Variants in EVC2 observed in about 807,000 individuals in gnomAD.
EVC2 encodes the protein EvC ciliary complex subunit 2, also known as limbin.
In EVC2, 148 loss-of-function variants were observed where a neutral mutation model predicts 149.3. That is an observed-to-expected ratio of 0.99 (90% CI 0.87 to 1.14). The LOEUF (loss-of-function observed/expected upper bound fraction) is 1.14, where lower values mean the gene tolerates loss of function less well. Among genes scored for constraint, EVC2 ranks in the 50% most tolerant of loss-of-function variants. The pLI is 0.00. For missense variants in EVC2, 1,854 were observed against 1,627.3 expected (o/e 1.14, Z -2.40); for synonymous variants, 776 against 649.9 (o/e 1.19, Z -2.95).
intron 15 of EVC2, among the ~76,000 whole-genome samples, chr4:5,616,219 C>G (rs899918363): frequency 6.6e-6 from 1 of 152,180 alleles, no homozygotes. Flanking sequence ...TGAGAACTTT[C>G]CCAGCACAGG....
chr4:5,622,943 T>C lies in EVC2; in HGVS notation c.2095A>G (p.Thr699Ala), dbSNP rs730469. The C allele has an allele frequency of 0.32, 513,777 of 1,613,758 alleles. 94,610 individuals carry two copies. Among genetic ancestry groups the C allele is most frequent in the African/African-American group, 0.8 (59,711 of 74,962 alleles). ...AGGTACTGGCCGGCATCCTCAACCG[T>C]TCGGAAGGCCTCGCCGACGGACGCC... ...EQASVGEAFR[T>A]VEDAGQYLHQ... The change falls in exon 14 of 22, where the codon ACG (threonine) becomes GCG (alanine). Residue 699 changes from threonine to alanine, a missense_variant. Physicochemically the swap from Thr to Ala is moderately conservative, Grantham distance 58. Transcript: ENST00000344408. This position sits in a 1 kb window ranked among gnomAD's most constrained non-coding sequence, Gnocchi z 5.8.
At chr4:5,661,856 C>T (rs529728957) in intron 9 of EVC2, among the ~76,000 whole-genome samples, 1 of 152,360 alleles carries the variant, frequency 6.6e-6, no homozygotes, top group African/African-American at 2.4e-5. Context: ...CTTAACCTCT[C>T]TCCAGTTCTC....
In EVC2 at chr4:5,576,377, C is replaced by T. The variant is rs767047805; in HGVS notation, c.3135G>A (p.Ala1045=). The T allele has an allele frequency of 1.2e-6, 2 of 1,614,100 alleles. No homozygotes were observed. Among genetic ancestry groups the T allele is most frequent in the South Asian group, 1.1e-5 (1 of 91,082 alleles). ...QEAAQQQQAL[A]SWQQWVADGP... ...CATCGGCCACCCACTGCTGCCAGCT[C>T]GCCAGGGCCTGCTGCTGCTGGGCTG... is the stretch of plus-strand genomic sequence containing the variant. Residue 1045 remains alanine (A), a synonymous_variant, in exon 18 of 22, where the codon GCG becomes GCA. Transcript: ENST00000344408. This position sits in a 1 kb window ranked among gnomAD's most constrained non-coding sequence, Gnocchi z 4.5.
chr4:5,551,764 C>T (rs191264706), intron 21 of EVC2, among the ~76,000 whole-genome samples: 283 of 152,256 alleles, frequency 1.9e-3, no homozygotes, highest in African/African-American at 4.0e-3. Flanking sequence ...GGGAGGGACA[C>T]GGTGGGAGGT....
At chr4:5,600,163 G>A (rs182833023) in intron 16 of EVC2, among the ~76,000 whole-genome samples, 72 of 152,204 alleles carry the variant, frequency 4.7e-4, no homozygotes, top group African/African-American at 1.6e-3. Context: ...GTGTGACCAA[G>A]GCAAGTTGCT....
chr4:5,604,608 G>A (rs1313840380), intron 16 of EVC2, among the ~76,000 whole-genome samples: 1 of 152,044 alleles, frequency 6.6e-6, no homozygotes. Context: ...TTAGATAGAA[G>A]AAATAAGACA....
At chr4:5,531,583 T>C in the EVC2 span, among the ~76,000 whole-genome samples, 7 of 152,142 alleles carry the variant, frequency 4.6e-5, no homozygotes, top group African/African-American at 1.7e-4. Flanking sequence ...GTGGCGGCAT[T>C]AGATTATCTT....
rs1715759537 is a variant in EVC2 at position 5,622,451 on chromosome 4, T to C, written c.2501+86A>G. ...CTGTCTGGGGCCAGGTGTCTCATGC[T>C]TGGCCATCCCCACAACCACAGGGCA... On this transcript the variant is annotated intron_variant, in intron 14 of 21. Coordinates refer to ENST00000344408, the MANE Select transcript of EVC2 (RefSeq NM_147127.5). This position sits in a 1 kb window ranked among gnomAD's most constrained non-coding sequence, Gnocchi z 5.8. 1 of 1,480,040 alleles carries C rather than the reference T, an allele frequency of 6.8e-7. No individual in the cohort carries two copies. The highest frequency in any genetic ancestry group is 1.9e-5 in the Admixed American group (1 of 52,284). 91.7% of individuals were successfully genotyped at this position (1,480,040 alleles called of 1,614,324 possible).
At chr4:5,691,156 G>A (rs766652372) in intron 4 of EVC2, 109 bp downstream of exon 4, 46 of 954,750 alleles carry the variant, frequency 4.8e-5, no homozygotes, top group Non-Finnish European at 7.3e-5. Flanking sequence ...CTAGACTTGT[G>A]TAGGTAAGCC....
chr4:5,683,417 C>G (rs1720479811), intron 6 of EVC2, among the ~76,000 whole-genome samples: 1 of 152,212 alleles, frequency 6.6e-6, no homozygotes, highest in South Asian at 2.1e-4. Flanking sequence ...CCAGTACATG[C>G]ATGCAGTTAC....
intron 20 of EVC2, among the ~76,000 whole-genome samples, chr4:5,565,915 T>G (rs532916584): frequency 9.9e-4 from 151 of 152,224 alleles, no homozygotes; most frequent in African/African-American, 3.6e-3. Flanking sequence ...GGGGAGTCAT[T>G]TGAGCAAAGG....
intron 2 of EVC2, 21 bp downstream of exon 2, chr4:5,697,572 T>A: frequency 6.2e-7 from 1 of 1,613,796 alleles, no homozygotes; most frequent in Non-Finnish European, 8.5e-7. Flanking sequence ...CAGGGGAACA[T>A]CAACCAGAAG....
upstream of EVC2, chr4:5,708,694 G>T: frequency 2.1e-6 from 1 of 480,968 alleles, no homozygotes; most frequent in East Asian, 3.6e-5. Flanking sequence ...CGTGGGAGGG[G>T]GAGAGCGAGT....
intron 16 of EVC2, among the ~76,000 whole-genome samples, chr4:5,610,367 G>A (rs1480438641): frequency 6.6e-6 from 1 of 152,160 alleles, no homozygotes; most frequent in Non-Finnish European, 1.5e-5. Flanking sequence ...TTATTAAAAT[G>A]CCATCACATT....
At chr4:5,683,885 C>T (rs1720517517) in intron 6 of EVC2, among the ~76,000 whole-genome samples, 1 of 149,552 alleles carries the variant, frequency 6.7e-6, no homozygotes, top group Admixed American at 6.7e-5. Flanking sequence ...CCCGGGAACA[C>T]ACACAGCTAC....
chr4:5,659,405 G>GAA (rs60976903), intron 9 of EVC2, among the ~76,000 whole-genome samples: 12 of 107,366 alleles, frequency 1.1e-4, no homozygotes, highest in African/African-American at 2.4e-4. Context: ...TGCTATAATT[G>GAA]AAAAAAAAAA....
chr4:5,628,575 T>C lies in EVC2; in HGVS notation c.1870A>G (p.Ile624Val), dbSNP rs1177607224. The change falls in exon 12 of 22, where the codon ATT becomes GTT. Residue 624 changes from isoleucine (I) to valine (V), a missense_variant. Coordinates refer to ENST00000344408, the MANE Select transcript of EVC2 (RefSeq NM_147127.5). ...GAGTGGTACCTCTCGTGCTTCTGAA[T>C]GAGGTGAGTCAGCTGGGCTGCAGCG... ...STAAAQLTHL[I>V]QKHERAGYLD... 6.2e-7 allele frequency: 1 copy of C among 1,613,996 alleles called. No homozygotes were observed.
At chr4:5,655,387 G>C (rs976755585) in intron 9 of EVC2, among the ~76,000 whole-genome samples, 1 of 152,150 alleles carries the variant, frequency 6.6e-6, no homozygotes, top group African/African-American at 2.4e-5. Flanking sequence ...CATGGGGCTG[G>C]AGTGAGGAGG....
intron 9 of EVC2, among the ~76,000 whole-genome samples, chr4:5,653,874 G>A (rs764777558): frequency 5.3e-5 from 8 of 152,164 alleles, no homozygotes; most frequent in African/African-American, 7.2e-5. Context: ...TCTCTTCAGC[G>A]CTGAGATGCC....
Sources: gnomAD v4.1 joint callset for allele counts (sites outside exome capture counted in the v4.1 genomes callset) on GRCh38, gnomAD v4.1.1 for gene constraint, Gnocchi (gnomAD v3.1) non-coding constraint, MANE v1.5 for transcripts, NCBI Gene and HGNC (gene_info 2026-07-23, HGNC 2026-07-21) for gene names.